RANBP9: variants seen among roughly 807,000 people sequenced by gnomAD.
The protein encoded by RANBP9 is RAN binding protein 9.
In RANBP9, 15 loss-of-function variants were observed where a neutral mutation model predicts 84.3. The observed-to-expected ratio is 0.18, with a 90% CI of 0.12 to 0.27. RANBP9 has a LOEUF of 0.27. RANBP9 is among the 10% of genes least tolerant of loss of function. The pLI is 1.00. For synonymous variants in RANBP9, 392 were observed against 349.6 expected, an observed-to-expected ratio of 1.12 and a Z score of -1.35; for missense variants, 809 against 912.8, an observed-to-expected ratio of 0.89 and a Z score of 1.46.
rs531356232 is a variant in RANBP9, at chr6:13,710,916, C to G, written c.571+19G>C. 2.1e-5 allele frequency: 34 copies of G among 1,587,398 alleles called. No homozygotes were observed. The African/African-American group carries it at 3.0e-4, about 14-fold the overall frequency. ...TCGGGTCAGTGCCCCACTCCCACCGCAGGACACACGCCCAGTACCTTTGTA... is the reference window on the plus strand; with the variant it reads ...TCGGGTCAGTGCCCCACTCCCACCGGAGGACACACGCCCAGTACCTTTGTA... On this transcript the variant is annotated intron_variant, in intron 1 of 13. Transcript: ENST00000011619.
At chr6:13,623,795 TATATTA>T (rs1764525915) in intron 13 of RANBP9, among the ~76,000 whole-genome samples, 1 of 152,194 alleles carries the variant, frequency 6.6e-6, no homozygotes, top group South Asian at 2.1e-4. Context: ...CGCATACATT[TATATTA>T]ATAAGATTAA....
chr6:13,656,093 TAA>T (rs1443794932), intron 4 of RANBP9, among the ~76,000 whole-genome samples: 6 of 152,178 alleles, frequency 3.9e-5, no homozygotes, highest in African/African-American at 1.4e-4. Flanking sequence ...GAAACACTCT[TAA>T]AAGAGTATTG....
chr6:13,697,064 A>G (rs543657778), intron 1 of RANBP9, among the ~76,000 whole-genome samples, 168 bp from the exon 2 acceptor site: 8 of 152,352 alleles, frequency 5.3e-5, no homozygotes, highest in African/African-American at 1.9e-4. Context: ...CCCAATATGC[A>G]AAATAGCCCA....
chr6:13,686,738 A>AAATG (rs1255025027), intron 2 of RANBP9, among the ~76,000 whole-genome samples: 1 of 152,194 alleles, frequency 6.6e-6, no homozygotes, highest in Non-Finnish European at 1.5e-5. Context: ...TTACTTTTCT[A>AAATG]AATGGGTTGT....
chr6:13,702,958 C>G (rs1758012407), intron 1 of RANBP9, among the ~76,000 whole-genome samples: 1 of 152,192 alleles, frequency 6.6e-6, no homozygotes, highest in Non-Finnish European at 1.5e-5. Context: ...TGTGCCTATC[C>G]TACTAAACCT....
chr6:13,652,280 T>C (rs1462163977), intron 5 of RANBP9, among the ~76,000 whole-genome samples: 1 of 152,222 alleles, frequency 6.6e-6, no homozygotes, highest in Non-Finnish European at 1.5e-5. Context: ...TTGAATAATA[T>C]ATTCCAAGCA....
At chr6:13,688,982 CAAAA>C (rs1164073062) in intron 2 of RANBP9, among the ~76,000 whole-genome samples, 10 of 29,958 alleles carry the variant, frequency 3.3e-4, no homozygotes, top group South Asian at 1.2e-3. Context: ...CCCATCTCCA[CAAAA>C]AAAAAAAAAA....
chr6:13,652,264 T>C (rs893111245), intron 5 of RANBP9, among the ~76,000 whole-genome samples: 3 of 152,242 alleles, frequency 2.0e-5, no homozygotes, highest in Non-Finnish European at 4.4e-5. Flanking sequence ...AGACCTTTAC[T>C]ACCTGTTGAA....
intron 4 of RANBP9, among the ~76,000 whole-genome samples, chr6:13,655,107 A>G (rs6941522): frequency 0.067 from 10,205 of 152,374 alleles, 353 homozygotes; most frequent in Middle Eastern, 0.088. Flanking sequence ...CCACTGTTAT[A>G]CCATCTCTCT....
rs60255234 is a variant in RANBP9 at position 13,659,257 on chromosome 6, T to TACACAC, written c.684-431_684-426dup. Among the ~76,000 whole-genome samples, 493 of 130,664 alleles carry TACACAC rather than the reference T, an allele frequency of 3.8e-3. 4 individuals carry two copies. The highest frequency in any genetic ancestry group is 7.3e-3 in the African/African-American group (257 of 35,388). 85.7% of individuals were successfully genotyped at this position (130,664 alleles called of 152,430 possible). ...AATTTAGACCCCACACACACACACA[T>TACACAC]ACACACACACACACACACACACACA... On this transcript the variant is annotated intron_variant, in intron 2 of 13. Coordinates refer to ENST00000011619, the MANE Select transcript of RANBP9 (RefSeq NM_005493.3).
intron 2 of RANBP9, among the ~76,000 whole-genome samples, chr6:13,670,488 G>A (rs942253366): frequency 5.3e-5 from 8 of 151,924 alleles, no homozygotes; most frequent in African/African-American, 1.9e-4. Flanking sequence ...AGAAGCAGAA[G>A]AAACACAAGA....
intron 10 of RANBP9, among the ~76,000 whole-genome samples, chr6:13,636,150 T>C (rs1191899675): frequency 6.6e-6 from 1 of 152,112 alleles, no homozygotes; most frequent in Non-Finnish European, 1.5e-5. Context: ...AGAAGAGCAT[T>C]TCAGATGGTG....
chr6:13,659,862 T>C (rs1228295392), intron 2 of RANBP9, among the ~76,000 whole-genome samples: 2 of 152,180 alleles, frequency 1.3e-5, no homozygotes, highest in Non-Finnish European at 2.9e-5. Flanking sequence ...TGCCTATAAT[T>C]GTTAAATACT....
chr6:13,681,609 GATAAA>G (rs1463824762), intron 2 of RANBP9, among the ~76,000 whole-genome samples: 1 of 151,390 alleles, frequency 6.6e-6, no homozygotes, highest in Non-Finnish European at 1.5e-5. Flanking sequence ...AAACAAAATA[GATAAA>G]ATAAAAAAAT....
At chr6:13,622,567 C>A (rs2127756642) in intron 13 of RANBP9, 75 bp from the exon 14 acceptor site, 2 of 1,410,170 alleles carry the variant, frequency 1.4e-6, no homozygotes, top group South Asian at 1.5e-5. Context: ...CAGGAGAATA[C>A]TGCAATGACT....
chr6:13,642,624 A>T, intron 6 of RANBP9, 33 bp from the exon 7 acceptor site: 1 of 1,392,640 alleles, frequency 7.2e-7, no homozygotes, highest in Non-Finnish European at 1.0e-6. Flanking sequence ...TACATCTTTT[A>T]GTGAAGAGAA....
chr6:13,710,514 T>A (rs886848547), intron 1 of RANBP9, among the ~76,000 whole-genome samples: 4 of 152,100 alleles, frequency 2.6e-5, no homozygotes, highest in Non-Finnish European at 5.9e-5. Context: ...ATCGTGCCTC[T>A]CTTCCCCCCT....
intron 8 of RANBP9, among the ~76,000 whole-genome samples, chr6:13,640,211 A>C (rs970861444): frequency 6.6e-6 from 1 of 152,228 alleles, no homozygotes; most frequent in African/African-American, 2.4e-5. Context: ...CTTATTCTAA[A>C]GCAAAACAAT....
intron 10 of RANBP9, among the ~76,000 whole-genome samples, chr6:13,634,765 A>G (rs892879812): frequency 5.9e-5 from 9 of 152,084 alleles, no homozygotes; most frequent in African/African-American, 1.9e-4. Context: ...GTAAGGGAGG[A>G]AAAAAAGTAC....
Sources: gnomAD v4.1 joint callset for allele counts (sites outside exome capture counted in the v4.1 genomes callset) on GRCh38, gnomAD v4.1.1 for gene constraint, MANE v1.5 for transcripts, NCBI Gene and HGNC (gene_info 2026-07-23, HGNC 2026-07-21) for gene names.